The following DCDC1 variants were observed in gnomAD, a reference collection of about 807,000 sequenced individuals.
DCDC1 encodes doublecortin domain containing 1.
In DCDC1, 200 loss-of-function variants were observed where a neutral mutation model predicts 178.3. The ratio of observed to expected loss-of-function variants is 1.12; its 90% confidence interval spans 1.00 to 1.26. The LOEUF (loss-of-function observed/expected upper bound fraction) is 1.26. DCDC1 is among the 50% of genes most tolerant of loss of function. DCDC1 has a pLI of 0.00. For missense variants in DCDC1, 1,983 were observed against 1,749.2 expected, an observed-to-expected ratio of 1.13 and a Z score of -2.38; for synonymous variants, 690 against 604.8, an observed-to-expected ratio of 1.14 and a Z score of -2.07.
chr11:31,186,443 T>C (rs1969502215), intron 9 of DCDC1, among the ~76,000 whole-genome samples: 1 of 152,182 alleles, frequency 6.6e-6, no homozygotes, highest in Non-Finnish European at 1.5e-5. Flanking sequence ...CCAGTTTGTG[T>C]CCCACCACAG....
intron 25 of DCDC1, among the ~76,000 whole-genome samples, chr11:30,919,508 C>G (rs1225647497): frequency 2.0e-5 from 3 of 152,004 alleles, no homozygotes; most frequent in Admixed American, 6.5e-5. Flanking sequence ...TTCTTACTTT[C>G]TGTTTATTTT....
intron 2 of DCDC1, among the ~76,000 whole-genome samples, chr11:31,334,569 T>C (rs1950175236): frequency 6.6e-6 from 1 of 152,222 alleles, no homozygotes; most frequent in Non-Finnish European, 1.5e-5. Context: ...GGTTTTGGTG[T>C]GGATGTCCTT....
At chr11:31,354,546 G>A (rs1564922993) in intron 1 of DCDC1, among the ~76,000 whole-genome samples, 1 of 152,118 alleles carries the variant, frequency 6.6e-6, no homozygotes, top group Non-Finnish European at 1.5e-5. Flanking sequence ...GTTTAACTGG[G>A]GGCATGAATA....
At chr11:31,235,527 C>T (rs1346352043) in intron 9 of DCDC1, among the ~76,000 whole-genome samples, 2 of 151,720 alleles carry the variant, frequency 1.3e-5, no homozygotes, top group Admixed American at 6.6e-5. Flanking sequence ...GTCACAAGTA[C>T]AGAGGATAAA....
intron 15 of DCDC1, among the ~76,000 whole-genome samples, chr11:31,095,957 T>A (rs1386266376): frequency 6.6e-6 from 1 of 152,240 alleles, no homozygotes; most frequent in Non-Finnish European, 1.5e-5. Flanking sequence ...AACAATTTAT[T>A]TCCTAACACT....
At chr11:31,054,110 A>C (rs1226572390) in intron 20 of DCDC1, among the ~76,000 whole-genome samples, 1 of 152,104 alleles carries the variant, frequency 6.6e-6, no homozygotes, top group East Asian at 1.9e-4. Flanking sequence ...AGACTAATAA[A>C]AGAATTCGGC....
intron 9 of DCDC1, among the ~76,000 whole-genome samples, chr11:31,170,879 G>A (rs1017521272): frequency 9.2e-5 from 14 of 151,856 alleles, no homozygotes; most frequent in Non-Finnish European, 1.6e-4. Flanking sequence ...GCCCAGGCTG[G>A]AGTGCAATAG....
intron 1 of DCDC1, among the ~76,000 whole-genome samples, chr11:31,349,132 T>C (rs1299013076): frequency 1.3e-5 from 2 of 152,210 alleles, no homozygotes; most frequent in East Asian, 3.8e-4. Context: ...TTAATAGCTA[T>C]AATTGTACAA....
intron 4 of DCDC1, 60 bp from the exon 5 acceptor site, chr11:31,306,448 A>G: frequency 6.7e-7 from 1 of 1,487,406 alleles, no homozygotes; most frequent in Non-Finnish European, 8.9e-7. Context: ...CTTTTAAATA[A>G]ATATTATCCT....
chr11:30,953,533 T>A (rs1250179699), intron 20 of DCDC1, among the ~76,000 whole-genome samples: 1 of 152,002 alleles, frequency 6.6e-6, no homozygotes, highest in Non-Finnish European at 1.5e-5. Flanking sequence ...AGCATTCAAC[T>A]CAAATTATTA....
chr11:31,227,075 C>T (rs927067057), intron 9 of DCDC1, among the ~76,000 whole-genome samples: 2 of 152,248 alleles, frequency 1.3e-5, no homozygotes, highest in Non-Finnish European at 2.9e-5. Flanking sequence ...AGAGCAACTA[C>T]ACATACACTC....
At chr11:31,312,781 C>T (rs1591729317) in intron 3 of DCDC1, 1 of 152,368 alleles carries the variant, frequency 6.6e-6, no homozygotes, top group Middle Eastern at 3.4e-3. Context: ...TTGTAGATGA[C>T]TAATCATGAG....
chr11:31,109,989 C>A (rs557681249), intron 12 of DCDC1, among the ~76,000 whole-genome samples: 1 of 152,080 alleles, frequency 6.6e-6, no homozygotes, highest in Non-Finnish European at 1.5e-5. Context: ...AGAGGGAAAT[C>A]CTGATGTATC....
At chr11:31,109,854 T>C (rs1164308099) in intron 12 of DCDC1, among the ~76,000 whole-genome samples, 1 of 152,148 alleles carries the variant, frequency 6.6e-6, no homozygotes, top group Non-Finnish European at 1.5e-5. Context: ...CTAGCTGAAC[T>C]TGCTCACAAT....
intron 20 of DCDC1, among the ~76,000 whole-genome samples, chr11:31,057,777 C>A (rs544182292): frequency 9.2e-5 from 14 of 152,178 alleles, no homozygotes; most frequent in African/African-American, 3.1e-4. Flanking sequence ...CTTAATTTCA[C>A]TAAGGGAATG....
chr11:31,256,269 T>A (rs1944413079), intron 8 of DCDC1, among the ~76,000 whole-genome samples: 1 of 152,214 alleles, frequency 6.6e-6, no homozygotes, highest in South Asian at 2.1e-4. Flanking sequence ...GTGAGTTCAC[T>A]GCAAGTAGTT....
chr11:30,995,087 T>G (rs1951187656), intron 20 of DCDC1, among the ~76,000 whole-genome samples: 1 of 151,988 alleles, frequency 6.6e-6, no homozygotes, highest in Admixed American at 6.6e-5. Flanking sequence ...AGCTACAAGA[T>G]CAATGTATTT....
chr11:31,157,372 A>AAATAT (rs71060478), intron 9 of DCDC1, among the ~76,000 whole-genome samples: 5 of 96,882 alleles, frequency 5.2e-5, no homozygotes, highest in Non-Finnish European at 8.4e-5. Flanking sequence ...AAAAAAAAAA[A>AAATAT]ATATATATAT....
Position 30,977,418 on chromosome 11 carries a change from T to C in DCDC1, c.2592-24850A>G, listed in dbSNP as rs74616861. Among the ~76,000 whole-genome samples, 705 of 152,314 alleles carry C rather than the reference T, an allele frequency of 4.6e-3. 2 individuals carry two copies. Among genetic ancestry groups the C allele is most frequent in the African/African-American group, 0.016 (678 of 41,568 alleles). On this transcript the variant is annotated intron_variant, in intron 20 of 38. Transcript: ENST00000684477. ...CTTGATCATTACACATTCATGCTTG[T>C]AATAAAATCACATGTACTTCATAAA... is the stretch of plus-strand genomic sequence containing the variant.
Sources: gnomAD v4.1 joint callset for allele counts (sites outside exome capture counted in the v4.1 genomes callset) on GRCh38, gnomAD v4.1.1 for gene constraint, MANE v1.5 for transcripts, NCBI Gene and HGNC (gene_info 2026-07-23, HGNC 2026-07-21) for gene names.